Variants in SEM1 observed in about 807,000 individuals in gnomAD.
SEM1 encodes the protein 26S proteasome complex subunit SEM1.
Under a neutral mutation model 12.7 loss-of-function variants are expected in SEM1, and 3 were observed. The observed-to-expected ratio is 0.24, with a 90% CI of 0.11 to 0.61. The LOEUF is 0.61. Among genes scored for constraint, SEM1 ranks in the 20% least tolerant of loss-of-function variants. The probability of loss-of-function intolerance (pLI) is 0.88; values close to 1 mark genes in which losing one functional copy is unlikely to be tolerated. For missense variants in SEM1, 59 were observed against 81.3 expected (o/e 0.73, Z 1.06); for synonymous variants, 30 against 27.8 (o/e 1.08, Z -0.25).
chr7:96,590,925 G>A (rs1372399378), intron 2 of SEM1, among the ~76,000 whole-genome samples: 1 of 152,122 alleles, frequency 6.6e-6, no homozygotes. Context: ...TATGAAAAAG[G>A]ACCCCAAGCC....
chr7:96,664,874 G>A (rs988861337), intron 2 of SEM1, among the ~76,000 whole-genome samples: 2 of 152,154 alleles, frequency 1.3e-5, no homozygotes, highest in South Asian at 4.1e-4. Flanking sequence ...GTGAAATAAT[G>A]AATAAACCAC....
chr7:96,618,285 A>C (rs1025738320), downstream of SEM1, among the ~76,000 whole-genome samples: 1 of 152,012 alleles, frequency 6.6e-6, no homozygotes, highest in Non-Finnish European at 1.5e-5. Context: ...GAATTTATCC[A>C]TTTCCTTTAC....
chr7:96,540,851 C>A (rs114744177), intron 2 of SEM1, among the ~76,000 whole-genome samples: 3,149 of 151,860 alleles, frequency 0.021, 97 homozygotes, highest in African/African-American at 0.072. Flanking sequence ...GTTTTCTGTT[C>A]CTGTGTTAAT....
intron 2 of SEM1, among the ~76,000 whole-genome samples, chr7:96,643,805 G>C (rs191446513): frequency 2.6e-4 from 39 of 152,182 alleles, no homozygotes; most frequent in Non-Finnish European, 4.0e-4. Context: ...GGGCCTGTCA[G>C]GGGGTGGGGG....
At chr7:96,572,244 A>G (rs1301884326) in intron 2 of SEM1, among the ~76,000 whole-genome samples, 2 of 152,112 alleles carry the variant, frequency 1.3e-5, no homozygotes, top group Non-Finnish European at 1.5e-5. Flanking sequence ...TTCTGGATTC[A>G]TTGATTTTTT....
intron 2 of SEM1, among the ~76,000 whole-genome samples, chr7:96,644,498 C>A (rs1244413007): frequency 1.3e-5 from 2 of 152,234 alleles, no homozygotes; most frequent in East Asian, 1.9e-4. Context: ...GAGGTCAGGT[C>A]TCCTCCTGCT....
chr7:96,671,601 C>T (rs1789319609), downstream of SEM1, among the ~76,000 whole-genome samples: 1 of 152,046 alleles, frequency 6.6e-6, no homozygotes, highest in African/African-American at 2.4e-5. Flanking sequence ...AGAGCTCAAC[C>T]TGGGAGTTCA....
At chr7:96,647,231 G>A (rs1298235339) in intron 2 of SEM1, among the ~76,000 whole-genome samples, 1 of 152,110 alleles carries the variant, frequency 6.6e-6, no homozygotes, top group Non-Finnish European at 1.5e-5. Flanking sequence ...ATTGCCAAGT[G>A]GTACAGGACT....
chr7:96,547,363 C>T (rs755446522), intron 2 of SEM1, among the ~76,000 whole-genome samples: 1 of 152,034 alleles, frequency 6.6e-6, no homozygotes. Flanking sequence ...GCTTTATCTG[C>T]GAAAAATCCT....
chr7:96,523,032 A>G (rs1804336300), intron 2 of SEM1, among the ~76,000 whole-genome samples: 1 of 152,132 alleles, frequency 6.6e-6, no homozygotes, highest in South Asian at 2.1e-4. Context: ...TGTGAAGATG[A>G]ACTGTGGCTC....
At chr7:96,619,926 C>T (rs950441), downstream of SEM1, among the ~76,000 whole-genome samples, 1 of 151,928 alleles carries the variant, frequency 6.6e-6, no homozygotes, top group Non-Finnish European at 1.5e-5. Context: ...ATGGTACCTT[C>T]GTCTTGCAAC....
At chr7:96,597,530 G>C (rs1233147471) in intron 2 of SEM1, among the ~76,000 whole-genome samples, 1 of 152,064 alleles carries the variant, frequency 6.6e-6, no homozygotes, top group Non-Finnish European at 1.5e-5. Flanking sequence ...AGATGACAGG[G>C]TTTGCACATA....
intron 2 of SEM1, among the ~76,000 whole-genome samples, chr7:96,615,241 C>CTTTTT (rs60940244): frequency 4.7e-5 from 6 of 126,414 alleles, no homozygotes; most frequent in African/African-American, 1.9e-4. Context: ...TTTGAGTCAT[C>CTTTTT]TTTTTTTTTT....
intron 2 of SEM1, among the ~76,000 whole-genome samples, chr7:96,579,335 T>A (rs957073675): frequency 2.6e-5 from 4 of 152,250 alleles, no homozygotes; most frequent in Admixed American, 2.0e-4. Flanking sequence ...CACTTACTGC[T>A]GTAAGCTTGT....
chr7:96,673,833 A>G, exon 3 of SEM1: 1 of 765,128 alleles, frequency 1.3e-6, no homozygotes, highest in South Asian at 1.3e-5. Context: ...GGTTTCACAG[A>G]CCAATATCAT....
At chr7:96,627,799 A>G (rs1226113300) in intron 2 of SEM1, among the ~76,000 whole-genome samples, 1 of 152,176 alleles carries the variant, frequency 6.6e-6, no homozygotes, top group Admixed American at 6.5e-5. Context: ...TCTATAGTAA[A>G]AATTAAGTCC....
chr7:96,648,994 C>T (rs564833167), intron 2 of SEM1, among the ~76,000 whole-genome samples: 4 of 152,300 alleles, frequency 2.6e-5, no homozygotes, highest in African/African-American at 7.2e-5. Context: ...CCAATAAGGT[C>T]GCTTTCTGCG....
downstream of SEM1, among the ~76,000 whole-genome samples, chr7:96,618,361 A>T (rs1444883742): frequency 6.6e-6 from 1 of 152,172 alleles, no homozygotes; most frequent in Non-Finnish European, 1.5e-5. Flanking sequence ...TCTGAATACA[A>T]CATGCTGTGG....
intron 2 of SEM1, among the ~76,000 whole-genome samples, chr7:96,605,353 A>G (rs1439701419): frequency 6.6e-6 from 1 of 152,166 alleles, no homozygotes; most frequent in Non-Finnish European, 1.5e-5. Flanking sequence ...GTGAAGGCCA[A>G]CAATGAAAAA....
Sources: gnomAD v4.1 joint callset for allele counts (sites outside exome capture counted in the v4.1 genomes callset) on GRCh38, gnomAD v4.1.1 for gene constraint, MANE v1.5 for transcripts, NCBI Gene and HGNC (gene_info 2026-07-23, HGNC 2026-07-21) for gene names.